MFHAS1: variants seen among roughly 807,000 people sequenced by gnomAD.
MFHAS1 encodes malignant fibrous histiocytoma-amplified sequence 1.
In MFHAS1, 50 loss-of-function variants were observed where a neutral mutation model predicts 70.4. The observed-to-expected ratio is 0.71, with a 90% confidence interval of 0.57 to 0.90. MFHAS1 has a LOEUF of 0.90. MFHAS1 is among the 40% of genes least tolerant of loss of function. MFHAS1 has a pLI of 0.00. For synonymous variants in MFHAS1, 952 were observed against 620.0 expected (o/e 1.54, Z -7.96); for missense variants, 1,795 against 1,347.6 (o/e 1.33, Z -5.20).
rs746376157 is a variant in MFHAS1 at position 8,892,204 on chromosome 8, G to C, written c.855C>G (p.Phe285Leu). The C allele has an allele frequency of 2.5e-6, 4 of 1,610,052 alleles. No homozygotes were observed. Among genetic ancestry groups the C allele is most frequent in the African/African-American group, 2.7e-5 (2 of 74,924 alleles). ...LKMLNLSSNL[F>L]EEFPAALLPL... ...GCAGCAGCGCGGCAGGGAACTCCTC[G>C]AAGAGGTTGGAGGAGAGGTTGAGCA... The change falls in exon 1 of 3, where the codon TTC becomes TTG. Residue 285 changes from phenylalanine (F) to leucine (L), a missense_variant. Transcript: ENST00000276282. The surrounding 1 kb of genome is among the most constrained non-coding windows in gnomAD (Gnocchi z 4.7).
chr8:8,804,301 G>C (rs1806202102), intron 1 of MFHAS1, among the ~76,000 whole-genome samples: 1 of 152,060 alleles, frequency 6.6e-6, no homozygotes, highest in African/African-American at 2.4e-5. Context: ...CTGAGTTCTG[G>C]GCAATTTAAC....
chr8:8,792,653 G>C (rs1197060871), intron 2 of MFHAS1, among the ~76,000 whole-genome samples: 1 of 152,146 alleles, frequency 6.6e-6, no homozygotes, highest in Non-Finnish European at 1.5e-5. Flanking sequence ...CTGACTGCAT[G>C]AACTAGGTGT....
chr8:8,877,174 C>G (rs1026981109), intron 1 of MFHAS1, among the ~76,000 whole-genome samples: 1 of 151,686 alleles, frequency 6.6e-6, no homozygotes, highest in Admixed American at 6.6e-5. Context: ...GTGGCATGTA[C>G]CTGTAGTCCC....
Position 8,785,961 on chromosome 8 carries a change from A to G in MFHAS1, c.*61T>C, listed in dbSNP as rs769301039. 45 of 1,575,018 alleles carry G rather than the reference A, an allele frequency of 2.9e-5. No individual in the cohort carries two copies. Among genetic ancestry groups the G allele is most frequent in the Non-Finnish European group, 3.8e-5 (44 of 1,144,620 alleles). On this transcript the variant is annotated 3_prime_UTR_variant, in exon 3 of 3. Coordinates refer to ENST00000276282, the MANE Select transcript of MFHAS1 (RefSeq NM_004225.3). ...GAGTGCAGAGGGTCTGCCAGGTGCA[A>G]AAGATGGTCCAGGTGTTCAGATGCT...
At chr8:8,885,755 G>A (rs890339664) in intron 1 of MFHAS1, among the ~76,000 whole-genome samples, 1 of 152,216 alleles carries the variant, frequency 6.6e-6, no homozygotes, top group Non-Finnish European at 1.5e-5. Context: ...TGTCGCCCAG[G>A]CTGGAGCGCA....
intron 1 of MFHAS1, among the ~76,000 whole-genome samples, chr8:8,882,890 T>G (rs150148571): frequency 3.3e-5 from 5 of 152,106 alleles, no homozygotes; most frequent in Admixed American, 3.3e-4. Context: ...CGGTGGCTCA[T>G]GCCTGTAATC....
chr8:8,838,424 G>A (rs554296141), intron 1 of MFHAS1, among the ~76,000 whole-genome samples: 7 of 152,162 alleles, frequency 4.6e-5, no homozygotes, highest in African/African-American at 9.6e-5. Flanking sequence ...AAAATTTTAC[G>A]CTATCCTGCT....
intron 1 of MFHAS1, among the ~76,000 whole-genome samples, chr8:8,817,266 A>G (rs1169969842): frequency 1.4e-5 from 2 of 146,100 alleles, no homozygotes; most frequent in East Asian, 2.1e-4. Context: ...CTATGAAAGG[A>G]AAAAAAAAAA....
At chr8:8,867,743 G>C (rs368590044) in intron 1 of MFHAS1, among the ~76,000 whole-genome samples, 4 of 152,052 alleles carry the variant, frequency 2.6e-5, no homozygotes, top group African/African-American at 7.2e-5. Flanking sequence ...ATTTTTACTA[G>C]AGACGGGGTT....
At chr8:8,846,128 C>T (rs1434436464) in intron 1 of MFHAS1, among the ~76,000 whole-genome samples, 2 of 151,716 alleles carry the variant, frequency 1.3e-5, no homozygotes, top group Admixed American at 1.3e-4. Flanking sequence ...TGGCACGCAT[C>T]TGTAATCCCA....
chr8:8,794,579 A>G (rs1348371080), intron 2 of MFHAS1, among the ~76,000 whole-genome samples: 2 of 152,226 alleles, frequency 1.3e-5, no homozygotes, highest in East Asian at 3.8e-4. Flanking sequence ...ATAAAGTCAC[A>G]CAAGAGATCA....
At chr8:8,887,603 C>T (rs1425187585) in intron 1 of MFHAS1, among the ~76,000 whole-genome samples, 3 of 149,936 alleles carry the variant, frequency 2.0e-5, no homozygotes, top group South Asian at 2.1e-4. Flanking sequence ...ATTTTATAAT[C>T]GTGCTCTAAA....
Position 8,890,332 on chromosome 8 carries a change from C to A in MFHAS1, c.2727G>T (p.Arg909Ser). The A allele has an allele frequency of 6.2e-7, 1 of 1,614,208 alleles. No individual in the cohort carries two copies. Reference sequence around the variant, plus strand: ...CAAAGATCTGAAATTTACCATCCGACCTGTGCACCACATGGCTGTTGATCT... The same window carrying A: ...CAAAGATCTGAAATTTACCATCCGAACTGTGCACCACATGGCTGTTGATCT... ...SVQINSHVVH[R>S]SDGKFQIFAY... is the part of the protein sequence containing the mutation. The change falls in exon 1 of 3, where the codon AGG becomes AGT. Residue 909 changes from arginine (R) to serine (S), a missense_variant. By Grantham distance (110) the Arg-to-Ser change is moderately radical. Transcript: ENST00000276282.
intron 1 of MFHAS1, among the ~76,000 whole-genome samples, chr8:8,832,580 G>A (rs73504222): frequency 0.087 from 13,060 of 149,358 alleles, 831 homozygotes; most frequent in African/African-American, 0.18. Context: ...TAAAATGACT[G>A]ACAATACCAA....
At chr8:8,882,846 T>C (rs1396564036) in intron 1 of MFHAS1, among the ~76,000 whole-genome samples, 1 of 152,016 alleles carries the variant, frequency 6.6e-6, no homozygotes, top group Non-Finnish European at 1.5e-5. Context: ...CAGCAATTAA[T>C]GTTGCAATCA....
At chr8:8,822,755 CA>C (rs1272830556) in intron 1 of MFHAS1, among the ~76,000 whole-genome samples, 3 of 135,544 alleles carry the variant, frequency 2.2e-5, no homozygotes, top group Non-Finnish European at 4.6e-5. Flanking sequence ...GGAACCAAGT[CA>C]GGGGGACTGA....
chr8:8,873,375 C>T (rs1809162370), intron 1 of MFHAS1, among the ~76,000 whole-genome samples: 1 of 152,096 alleles, frequency 6.6e-6, no homozygotes, highest in Non-Finnish European at 1.5e-5. Flanking sequence ...AAAAAAACTC[C>T]CAAGAACCTG....
chr8:8,797,525 A>T (rs1424861165), intron 1 of MFHAS1, 34 bp from the exon 2 acceptor site: 2 of 1,595,794 alleles, frequency 1.3e-6, no homozygotes, highest in South Asian at 1.1e-5. Context: ...TGTTAGGGAG[A>T]TGTGCACTAA....
chr8:8,804,229 C>T (rs911283449), intron 1 of MFHAS1, among the ~76,000 whole-genome samples: 1 of 152,156 alleles, frequency 6.6e-6, no homozygotes, highest in Non-Finnish European at 1.5e-5. Flanking sequence ...TTATGACCCT[C>T]TCCTAGAACC....
Sources: allele counts gnomAD v4.1 joint callset (sites outside exome capture counted in the v4.1 genomes callset), GRCh38; gene constraint gnomAD v4.1.1; non-coding constraint Gnocchi (gnomAD v3.1); transcripts MANE v1.5; gene names NCBI Gene and HGNC (gene_info 2026-07-23, HGNC 2026-07-21).